TMEM217B: variants seen among roughly 807,000 people sequenced by gnomAD.
The protein encoded by TMEM217B is putative transmembrane protein 217B.
At chr6:37,218,006 G>C in the TMEM217B span, 1 of 990,596 alleles carries the variant, frequency 1.0e-6, no homozygotes, top group African/African-American at 1.7e-5. Flanking sequence ...TTCTCTTCAT[G>C]TTCTCCTGAA....
At chr6:37,245,055 G>A in the TMEM217B span, among the ~76,000 whole-genome samples, 2 of 152,222 alleles carry the variant, frequency 1.3e-5, no homozygotes, top group East Asian at 3.8e-4. Context: ...TGCTTTGCAA[G>A]CCATGGCTTG....
the TMEM217B span, among the ~76,000 whole-genome samples, chr6:37,249,255 T>C: frequency 6.6e-6 from 1 of 152,346 alleles, no homozygotes; most frequent in East Asian, 1.9e-4. Context: ...ATTTGTGCCA[T>C]GCAGAAATTT....
chr6:37,251,767 TTTTG>T, the TMEM217B span, among the ~76,000 whole-genome samples: 5 of 152,204 alleles, frequency 3.3e-5, no homozygotes, highest in African/African-American at 1.2e-4. Context: ...TTTTAAGATT[TTTTG>T]TTTATTAATC....
At chr6:37,238,387 T>C in the TMEM217B span, among the ~76,000 whole-genome samples, 2 of 152,220 alleles carry the variant, frequency 1.3e-5, no homozygotes, top group South Asian at 2.1e-4. Context: ...AGCTGTGTTG[T>C]AGCAGACACC....
the TMEM217B span, among the ~76,000 whole-genome samples, chr6:37,252,478 T>C: frequency 6.6e-6 from 1 of 151,648 alleles, no homozygotes; most frequent in Non-Finnish European, 1.5e-5. Context: ...TATACATACA[T>C]AACATACATA....
chr6:37,251,780 T>A, the TMEM217B span, among the ~76,000 whole-genome samples: 1 of 152,236 alleles, frequency 6.6e-6, no homozygotes, highest in South Asian at 2.1e-4. Flanking sequence ...TGTTTATTAA[T>A]CTTTTTCTTA....
chr6:37,255,621 T>A, the TMEM217B span, among the ~76,000 whole-genome samples: 1 of 150,376 alleles, frequency 6.6e-6, no homozygotes, highest in Non-Finnish European at 1.5e-5. Context: ...GAGATGGAGG[T>A]TGTAGTGTGC....
At chr6:37,230,693 A>G in the TMEM217B span, among the ~76,000 whole-genome samples, 1 of 152,144 alleles carries the variant, frequency 6.6e-6, no homozygotes, top group Non-Finnish European at 1.5e-5. Flanking sequence ...CTGTGAGAAA[A>G]TTAATTTCTG....
chr6:37,218,740 G>A, the TMEM217B span: 4 of 1,614,194 alleles, frequency 2.5e-6, no homozygotes, highest in Non-Finnish European at 3.4e-6. Context: ...TCCAGACAAT[G>A]TAGATGACCA....
At chr6:37,212,655 C>T in the TMEM217B span, 1 of 563,738 alleles carries the variant, frequency 1.8e-6, no homozygotes, top group Non-Finnish European at 3.4e-6. Flanking sequence ...CGTTGAGGAG[C>T]AGGACTATGG....
At chr6:37,216,691 C>A in the TMEM217B span, among the ~76,000 whole-genome samples, 1 of 152,096 alleles carries the variant, frequency 6.6e-6, no homozygotes, top group Non-Finnish European at 1.5e-5. Context: ...GTTTGACTGT[C>A]CCCTTCAAAA....
chr6:37,228,442 G>A, the TMEM217B span, among the ~76,000 whole-genome samples: 3 of 152,316 alleles, frequency 2.0e-5, no homozygotes, highest in East Asian at 5.8e-4. Flanking sequence ...GATGGCTCAC[G>A]CTTGTAATCT....
At chr6:37,254,992 G>C in the TMEM217B span, among the ~76,000 whole-genome samples, 1 of 152,186 alleles carries the variant, frequency 6.6e-6, no homozygotes. Context: ...AAACTCCTGT[G>C]AGAATCTGCT....
chr6:37,219,122 A>T, the TMEM217B span: 2 of 1,267,160 alleles, frequency 1.6e-6, no homozygotes, highest in Non-Finnish European at 2.2e-6. Context: ...TCCTTCCCCA[A>T]ATCTACTTTG....
the TMEM217B span, among the ~76,000 whole-genome samples, chr6:37,253,396 G>C: frequency 3.3e-5 from 5 of 152,258 alleles, no homozygotes; most frequent in South Asian, 1.0e-3. Flanking sequence ...GAAATACCTA[G>C]TTTTCCCTTC....
chr6:37,222,298 C>G, the TMEM217B span, among the ~76,000 whole-genome samples: 1 of 152,220 alleles, frequency 6.6e-6, no homozygotes, highest in Admixed American at 6.5e-5. Flanking sequence ...GGAATCGATA[C>G]GCCTCCCGCT....
At chr6:37,219,253 G>C in the TMEM217B span, among the ~76,000 whole-genome samples, 1 of 152,156 alleles carries the variant, frequency 6.6e-6, no homozygotes, top group Non-Finnish European at 1.5e-5. Flanking sequence ...GCAATGACCA[G>C]ATAAAATTAC....
chr6:37,216,032 T>TGAGA, the TMEM217B span, among the ~76,000 whole-genome samples: 66 of 138,566 alleles, frequency 4.8e-4, 1 homozygote, highest in African/African-American at 1.6e-3. Context: ...TGTGTGTGTG[T>TGAGA]GAGAAACAGA....
chr6:37,258,028 T>G, the TMEM217B span: 1 of 1,587,402 alleles, frequency 6.3e-7, no homozygotes, highest in Non-Finnish European at 8.6e-7. Flanking sequence ...TTCCAGATCC[T>G]AATCCCTGAA....
Sources: allele counts gnomAD v4.1 joint callset (sites outside exome capture counted in the v4.1 genomes callset), GRCh38; gene constraint gnomAD v4.1.1; transcripts MANE v1.5; gene names NCBI Gene and HGNC (gene_info 2026-07-23, HGNC 2026-07-21).